The following RPS24 variants were observed in gnomAD, a reference collection of about 807,000 sequenced individuals.
RPS24 encodes small ribosomal subunit protein eS24.
For missense variants in RPS24, 100 were observed against 162.5 expected (o/e 0.62, Z 2.09); for synonymous variants, 72 against 55.6 (o/e 1.30, Z -1.31).
chr10:78,051,951 G>T (rs1230020581), intron 4 of RPS24, among the ~76,000 whole-genome samples: 1 of 152,102 alleles, frequency 6.6e-6, no homozygotes, highest in Non-Finnish European at 1.5e-5. Flanking sequence ...TATCCTGGAT[G>T]CAAATCTCTT....
At chr10:78,040,315 C>A in intron 5 of RPS24, 90 bp downstream of exon 5, 1 of 1,026,376 alleles carries the variant, frequency 9.7e-7, no homozygotes, top group Non-Finnish European at 1.5e-6. Flanking sequence ...ATGTGTAGTA[C>A]ATCTAGAAGT....
Position 78,040,193 on chromosome 10 carries a change from C to CA in RPS24, c.391-10dup. The CA allele has an allele frequency of 6.2e-7, 1 of 1,613,344 alleles. No individual in the cohort carries two copies. The highest frequency in any genetic ancestry group is 8.5e-7 in the Non-Finnish European group (1 of 1,179,368). The stretch of plus-strand genomic sequence containing the variant: ...TCCTTTCTCTTTTTCCCTTCCCCGC[C>CA]ACTGATTCAGTGAGCTGGAGATTGG... On this transcript the variant is annotated splice_polypyrimidine_tract_variant and intron_variant, in intron 4 of 5. Transcript: ENST00000372360.
rs373304735 is a variant in RPS24 at position 78,033,873 on chromosome 10, C to G, written c.-29C>G. ...CGGCGAATCGTGGTTCTCTTTTCCT[C>G]CTTGGCTGTCTGAAGATAGATCGCC... On this transcript the variant is annotated 5_prime_UTR_variant, in exon 1 of 6. Coordinates refer to ENST00000372360, the MANE Select transcript of RPS24 (RefSeq NM_033022.4). The G allele has an allele frequency of 7.4e-6, 12 of 1,613,942 alleles. No homozygotes were observed. The highest frequency in any genetic ancestry group is 1.0e-5 in the Non-Finnish European group (12 of 1,179,988).
intron 4 of RPS24, chr10:78,037,902 CTTTT>C (rs55902139): frequency 8.3e-3 from 3,122 of 377,342 alleles, no homozygotes; most frequent in East Asian, 0.022. Context: ...GTTCTGTGAA[CTTTT>C]TTTTTTTTTT....
At chr10:78,033,940 G>A (rs1227933807) in intron 1 of RPS24, 36 bp downstream of exon 1, 1 of 1,613,518 alleles carries the variant, frequency 6.2e-7, no homozygotes, top group African/African-American at 1.3e-5. Context: ...CATCTGCCGC[G>A]TATCCGAGCC....
downstream of RPS24, among the ~76,000 whole-genome samples, chr10:78,041,956 A>T (rs534656120): frequency 6.6e-6 from 1 of 152,358 alleles, no homozygotes; most frequent in East Asian, 1.9e-4. Flanking sequence ...TCTTTCAGCC[A>T]GTAGCCTTGG....
At position 78,034,026 on chromosome 10, in the gene RPS24, C is replaced by CA. The variant is rs1847800961; in HGVS notation, c.3+123dup. 23 of 1,278,610 alleles carry CA rather than the reference C, an allele frequency of 1.8e-5. 1 individual carries two copies. The South Asian group carries it at 2.7e-4, about 15-fold the overall frequency. The allele number at this position is 1,278,610 out of a possible 1,614,324, so 79.2% of individuals were successfully genotyped here. Reference sequence around the variant, plus strand: ...GTTGCTCTTCTCTGGCCGTTTCTGTCAGAGGATGGTTGTCGAGGGGCTCGG... The same window carrying CA: ...GTTGCTCTTCTCTGGCCGTTTCTGTCAAGAGGATGGTTGTCGAGGGGCTCGG... On this transcript the variant is annotated intron_variant, in intron 1 of 5. Transcript: ENST00000372360.
Position 78,036,923 on chromosome 10 carries a change from A to T in RPS24, c.280-271A>T, listed in dbSNP as rs7906060. 0.032 allele frequency among the ~76,000 whole-genome samples: 4,853 copies of T among 152,248 alleles called. 290 individuals carry two copies. The highest frequency in any genetic ancestry group is 0.11 in the African/African-American group (4,623 of 41,524). ...AAAGAAGAAAAAATAGTGATCTGTG[A>T]GCTCAAGTCTGGACAAGAACAGCCA... On this transcript the variant is annotated intron_variant, in intron 3 of 5. Transcript: ENST00000372360.
chr10:78,034,824 C>T (rs1847826204), intron 1 of RPS24, among the ~76,000 whole-genome samples: 1 of 152,306 alleles, frequency 6.6e-6, no homozygotes, highest in East Asian at 1.9e-4. Flanking sequence ...ATGATAAACA[C>T]AGTTCATTGA....
intron 1 of RPS24, chr10:78,034,148 G>C: frequency 4.1e-6 from 2 of 489,608 alleles, no homozygotes; most frequent in South Asian, 4.7e-5. Flanking sequence ...GAGCTGTTGC[G>C]CTTGTTGACT....
rs749954054 is a variant in RPS24, at chr10:78,040,603, CTT to C, written c.*20-11_*20-10del. ...GCAGTTGTTGACTAAACTTCTTTCT[CTT>C]GATTCACAGCCGAAGGAGTAAAGGT... On this transcript the variant is annotated splice_polypyrimidine_tract_variant and intron_variant, in intron 5 of 5. Coordinates refer to ENST00000372360, the MANE Select transcript of RPS24 (RefSeq NM_033022.4). 1 of 1,610,328 alleles carries C rather than the reference CTT, an allele frequency of 6.2e-7. No homozygotes were observed. Among genetic ancestry groups the C allele is most frequent in the South Asian group, 1.1e-5 (1 of 91,022 alleles).
chr10:78,054,799 C>G (rs530358175), exon 5 of RPS24: 30 of 1,551,538 alleles, frequency 1.9e-5, no homozygotes, highest in African/African-American at 5.5e-5. Context: ...AGAAACGGAG[C>G]CTTCATGTCG....
chr10:78,047,553 G>C (rs967136335), intron 4 of RPS24, among the ~76,000 whole-genome samples: 10 of 152,282 alleles, frequency 6.6e-5, no homozygotes, highest in African/African-American at 2.4e-4. Flanking sequence ...CTTGATGCCA[G>C]ATCAACTGGA....
At chr10:78,034,908 A>G (rs1031670775) in intron 1 of RPS24, among the ~76,000 whole-genome samples, 3 of 152,204 alleles carry the variant, frequency 2.0e-5, no homozygotes, top group Non-Finnish European at 4.4e-5. Flanking sequence ...TTTTCTCCTA[A>G]GGGAACAGTT....
chr10:78,049,850 C>G (rs1436636112), intron 4 of RPS24, among the ~76,000 whole-genome samples: 2 of 152,206 alleles, frequency 1.3e-5, no homozygotes, highest in African/African-American at 4.8e-5. Flanking sequence ...CCTGCAACAC[C>G]TAATAACTGT....
At chr10:78,048,359 G>A (rs181115684) in intron 4 of RPS24, among the ~76,000 whole-genome samples, 170 of 151,870 alleles carry the variant, frequency 1.1e-3, no homozygotes, top group African/African-American at 3.8e-3. Flanking sequence ...ACATTGCCTC[G>A]GAGGGTCTTT....
chr10:78,049,087 A>G (rs117234342), intron 4 of RPS24: 1,765 of 152,268 alleles, frequency 0.012, 10 homozygotes, highest in Non-Finnish European at 0.018. Context: ...CACAGAGGGT[A>G]GATGACTTGC....
intron 4 of RPS24, among the ~76,000 whole-genome samples, chr10:78,047,548 T>C (rs1848057802): frequency 6.6e-6 from 1 of 152,192 alleles, no homozygotes; most frequent in Non-Finnish European, 1.5e-5. Flanking sequence ...AAAAGCTTGA[T>C]GCCAGATCAA....
chr10:78,048,421 C>T (rs1848066420), intron 4 of RPS24, among the ~76,000 whole-genome samples: 1 of 152,140 alleles, frequency 6.6e-6, no homozygotes, highest in Non-Finnish European at 1.5e-5. Flanking sequence ...TCGGTGACTG[C>T]TCACCCAGCT....
Sources: allele counts gnomAD v4.1 joint callset (sites outside exome capture counted in the v4.1 genomes callset), GRCh38; gene constraint gnomAD v4.1.1; transcripts MANE v1.5; gene names NCBI Gene and HGNC (gene_info 2026-07-23, HGNC 2026-07-21).